The following MEIKIN variants were observed in gnomAD, a reference collection of about 807,000 sequenced individuals.
The protein encoded by MEIKIN is meiosis-specific kinetochore protein.
intron 4 of MEIKIN, among the ~76,000 whole-genome samples, chr5:131,939,371 C>CTT (rs544899220): frequency 1.4e-5 from 2 of 143,320 alleles, no homozygotes; most frequent in East Asian, 2.0e-4. Context: ...TAGTTTTCAG[C>CTT]TTTTTTTTTT....
At chr5:131,846,893 A>AGACAGAGAT (rs57179655) in intron 11 of MEIKIN, among the ~76,000 whole-genome samples, 281 of 151,548 alleles carry the variant, frequency 1.9e-3, no homozygotes, top group Non-Finnish European at 2.5e-3. Context: ...AAAGGGGTGA[A>AGACAGAGAT]GTAAAGGGGC....
In MEIKIN at chr5:131,840,693, T is replaced by C. The variant is rs1749889965; in HGVS notation, c.975+10571A>G. 2.0e-5 allele frequency among the ~76,000 whole-genome samples: 3 copies of C among 152,250 alleles called. No homozygotes were observed. The South Asian group carries it at 6.2e-4, about 32-fold the overall frequency. ...ATTCTTGTAGTGTGTTTCTCAGTTC[T>C]ATCAGGTCAATTACATTCTTTTCTA... On this transcript the variant is annotated intron_variant, in intron 11 of 12. Transcript: ENST00000442687.
At chr5:131,891,449 T>C (rs189686971) in intron 8 of MEIKIN, among the ~76,000 whole-genome samples, 7 of 152,376 alleles carry the variant, frequency 4.6e-5, no homozygotes, top group African/African-American at 1.2e-4. Flanking sequence ...TCTTGTTGAA[T>C]TGATCTCTTT....
At chr5:131,871,442 G>A (rs1246724831) in intron 9 of MEIKIN, among the ~76,000 whole-genome samples, 1 of 152,236 alleles carries the variant, frequency 6.6e-6, no homozygotes, top group Admixed American at 6.5e-5. Context: ...CGACAGCGAG[G>A]CTGGGGGAGG....
chr5:131,817,786 C>T (rs939587301), intron 12 of MEIKIN, among the ~76,000 whole-genome samples: 3 of 152,082 alleles, frequency 2.0e-5, no homozygotes, highest in African/African-American at 4.8e-5. Context: ...AGGGCAGGTA[C>T]TGTGGAGGAA....
intron 8 of MEIKIN, among the ~76,000 whole-genome samples, chr5:131,911,571 G>C (rs1209476547): frequency 6.6e-6 from 1 of 151,402 alleles, no homozygotes; most frequent in African/African-American, 2.4e-5. Context: ...ATCTAGTATG[G>C]AGTTCATATT....
intron 9 of MEIKIN, among the ~76,000 whole-genome samples, chr5:131,870,994 C>T (rs889150699): frequency 6.6e-6 from 1 of 152,124 alleles, no homozygotes; most frequent in African/African-American, 2.4e-5. Flanking sequence ...GTTTTCTCAG[C>T]TATAAAATAG....
chr5:131,840,954 TG>T (rs1166447982), intron 11 of MEIKIN, among the ~76,000 whole-genome samples: 1 of 152,246 alleles, frequency 6.6e-6, no homozygotes, highest in Admixed American at 6.5e-5. Context: ...TTTCATGCGC[TG>T]GTTCTTTCTC....
chr5:131,894,619 C>T (rs552117796), intron 8 of MEIKIN, among the ~76,000 whole-genome samples: 1 of 152,116 alleles, frequency 6.6e-6, no homozygotes, highest in Admixed American at 6.5e-5. Context: ...ATTTGCATCC[C>T]TTGTAAGTTG....
chr5:131,943,418 A>G (rs1353922003), intron 3 of MEIKIN, among the ~76,000 whole-genome samples: 1 of 152,238 alleles, frequency 6.6e-6, no homozygotes, highest in Non-Finnish European at 1.5e-5. Flanking sequence ...AATGTGAGGT[A>G]CACAAAAACC....
intron 5 of MEIKIN, among the ~76,000 whole-genome samples, chr5:131,930,132 T>C (rs1751662133): frequency 6.6e-6 from 1 of 152,184 alleles, no homozygotes; most frequent in Non-Finnish European, 1.5e-5. Context: ...TACATTCCCA[T>C]TCCTCCTGTG....
chr5:131,913,809 A>G (rs1272760548), intron 7 of MEIKIN, among the ~76,000 whole-genome samples: 1 of 152,240 alleles, frequency 6.6e-6, no homozygotes, highest in Non-Finnish European at 1.5e-5. Flanking sequence ...ATTTTGCTAC[A>G]TTCCTCAAGT....
At chr5:131,844,926 T>C (rs1299242561) in intron 11 of MEIKIN, among the ~76,000 whole-genome samples, 2 of 152,082 alleles carry the variant, frequency 1.3e-5, no homozygotes, top group Non-Finnish European at 2.9e-5. Context: ...CTCAAGCTGA[T>C]CTTTGGCATA....
At chr5:131,849,985 G>A (rs1353263683) in intron 11 of MEIKIN, among the ~76,000 whole-genome samples, 3 of 150,712 alleles carry the variant, frequency 2.0e-5, no homozygotes, top group African/African-American at 7.3e-5. Context: ...AGGACACAAA[G>A]TCAATACACA....
chr5:131,866,632 T>G (rs776989733), intron 9 of MEIKIN, among the ~76,000 whole-genome samples: 60 of 152,294 alleles, frequency 3.9e-4, no homozygotes, highest in Middle Eastern at 3.4e-3. Flanking sequence ...AATGCACAGT[T>G]GCCCCTCTGT....
At chr5:131,939,993 C>T (rs1751842242) in intron 4 of MEIKIN, among the ~76,000 whole-genome samples, 1 of 152,126 alleles carries the variant, frequency 6.6e-6, no homozygotes, top group South Asian at 2.1e-4. Flanking sequence ...AACTGTATTC[C>T]AAGCATGAGA....
chr5:131,869,807 C>A (rs894631153), intron 9 of MEIKIN, among the ~76,000 whole-genome samples: 1 of 152,194 alleles, frequency 6.6e-6, no homozygotes, highest in Non-Finnish European at 1.5e-5. Context: ...GGTTTTCCTA[C>A]CCTGGCAATG....
At chr5:131,853,965 A>G (rs924898929) in intron 10 of MEIKIN, among the ~76,000 whole-genome samples, 3 of 152,198 alleles carry the variant, frequency 2.0e-5, no homozygotes, top group African/African-American at 4.8e-5. Flanking sequence ...TTGAATTACA[A>G]TATGCTGTAG....
At chr5:131,940,665 T>C (rs1490391142) in intron 4 of MEIKIN, among the ~76,000 whole-genome samples, 1 of 152,124 alleles carries the variant, frequency 6.6e-6, no homozygotes, top group Non-Finnish European at 1.5e-5. Context: ...TCTGGAGATT[T>C]TGGAAGAGTG....
Sources: gnomAD v4.1 joint callset for allele counts (sites outside exome capture counted in the v4.1 genomes callset) on GRCh38, gnomAD v4.1.1 for gene constraint, MANE v1.5 for transcripts, NCBI Gene and HGNC (gene_info 2026-07-23, HGNC 2026-07-21) for gene names.